The following CLVS1 variants were observed in gnomAD, a reference collection of about 807,000 sequenced individuals.
The protein encoded by CLVS1 is clavesin 1, also known as clavesin-1.
In CLVS1, 10 loss-of-function variants were observed where a neutral mutation model predicts 33.1. That is an observed-to-expected ratio of 0.30 (90% CI 0.19 to 0.51). CLVS1 has a LOEUF of 0.51. Among genes scored for constraint, CLVS1 ranks in the 20% least tolerant of loss-of-function variants. The probability of loss-of-function intolerance (pLI) is 0.97; values close to 1 mark genes in which losing one functional copy is unlikely to be tolerated. For synonymous variants in CLVS1, 163 were observed against 166.1 expected (o/e 0.98, Z 0.14); for missense variants, 343 against 433.4 (o/e 0.79, Z 1.85).
At chr8:61,244,502 G>A (rs1304101500) in intron 2 of CLVS1, among the ~76,000 whole-genome samples, 2 of 152,054 alleles carry the variant, frequency 1.3e-5, no homozygotes, top group African/African-American at 2.4e-5. Flanking sequence ...AAGTTTTAAT[G>A]TTGTTCAGTT....
chr8:61,459,560 A>T (rs1164994047), intron 5 of CLVS1, among the ~76,000 whole-genome samples: 5 of 147,204 alleles, frequency 3.4e-5, no homozygotes. Context: ...TTGCATCCTT[A>T]TAGCTTAGCT....
chr8:61,174,816 A>G (rs1367480695), intron 2 of CLVS1, among the ~76,000 whole-genome samples: 1 of 152,216 alleles, frequency 6.6e-6, no homozygotes, highest in Non-Finnish European at 1.5e-5. Flanking sequence ...GCAAAATGAC[A>G]TGGTGAAATG....
At position 61,499,444 on chromosome 8, in the gene CLVS1, C is replaced by G; in HGVS notation, c.978-11C>G. The G allele has an allele frequency of 6.3e-7, 1 of 1,597,452 alleles. No homozygotes were observed. Among genetic ancestry groups the G allele is most frequent in the Non-Finnish European group, 8.6e-7 (1 of 1,165,060 alleles). Reference sequence around the variant, plus strand: ...TTTGTAATTCTGTCTTTTTCCCTCCCCTCTTGTTAGATCTCAGTCTGTGGT... The same window carrying G: ...TTTGTAATTCTGTCTTTTTCCCTCCGCTCTTGTTAGATCTCAGTCTGTGGT... On this transcript the variant is annotated splice_polypyrimidine_tract_variant and intron_variant, in intron 5 of 5. Transcript: ENST00000325897.
intron 5 of CLVS1, among the ~76,000 whole-genome samples, chr8:61,485,326 C>T (rs1803835620): frequency 1.3e-5 from 2 of 152,262 alleles, no homozygotes; most frequent in East Asian, 3.9e-4. Context: ...TTTATGCAGT[C>T]AACAGACACA....
At chr8:61,091,227 G>T (rs776215953) in intron 1 of CLVS1, among the ~76,000 whole-genome samples, 14 of 152,182 alleles carry the variant, frequency 9.2e-5, no homozygotes, top group Non-Finnish European at 1.5e-4. Flanking sequence ...CAGGAGCCAA[G>T]GCATGTCAGC....
chr8:61,186,378 G>T (rs1464785725), intron 2 of CLVS1, among the ~76,000 whole-genome samples: 1 of 152,166 alleles, frequency 6.6e-6, no homozygotes, highest in South Asian at 2.1e-4. Flanking sequence ...CTCAAGAGAA[G>T]GTGCAATTTT....
At chr8:61,183,297 C>A (rs1807278248) in intron 2 of CLVS1, among the ~76,000 whole-genome samples, 1 of 152,166 alleles carries the variant, frequency 6.6e-6, no homozygotes, top group Admixed American at 6.5e-5. Flanking sequence ...ATGTGCTGCA[C>A]ATGTATCCCA....
rs541215283 is a variant in CLVS1 at position 61,422,642 on chromosome 8, C to T, written c.631-31499C>T. Among the ~76,000 whole-genome samples, 5 of 152,178 alleles carry T rather than the reference C, an allele frequency of 3.3e-5. No homozygotes were observed. In the South Asian group the frequency reaches 6.2e-4, roughly 19 times the overall value. On this transcript the variant is annotated intron_variant, in intron 3 of 5. Coordinates refer to ENST00000325897, the MANE Select transcript of CLVS1 (RefSeq NM_173519.3). ...AAACCGTAGAAGTTCCAGTGAGGAACCATATAGTATTTGAATAGGGTTACC... is the reference window on the plus strand; with the variant it reads ...AAACCGTAGAAGTTCCAGTGAGGAATCATATAGTATTTGAATAGGGTTACC...
chr8:61,040,211 A>T, the CLVS1 span, among the ~76,000 whole-genome samples: 1 of 152,094 alleles, frequency 6.6e-6, no homozygotes, highest in African/African-American at 2.4e-5. Flanking sequence ...TCCATAGTGT[A>T]TATGTACCAC....
chr8:61,482,671 A>G (rs193235895), intron 5 of CLVS1, among the ~76,000 whole-genome samples: 1 of 152,326 alleles, frequency 6.6e-6, no homozygotes, highest in East Asian at 1.9e-4. Context: ...GAATAAAAAG[A>G]AATGAACAAA....
intron 2 of CLVS1, among the ~76,000 whole-genome samples, chr8:61,236,897 C>T (rs1380539027): frequency 2.6e-5 from 4 of 152,146 alleles, no homozygotes; most frequent in Admixed American, 2.6e-4. Flanking sequence ...AGGGAGCCAA[C>T]ATCTGCACCT....
the CLVS1 span, among the ~76,000 whole-genome samples, chr8:61,006,914 C>T: frequency 2.1e-4 from 32 of 152,320 alleles, 1 homozygote; most frequent in South Asian, 6.2e-4. Context: ...AATATCTATA[C>T]AACACTTTAG....
the CLVS1 span, among the ~76,000 whole-genome samples, chr8:60,988,238 T>A: frequency 6.6e-6 from 1 of 152,002 alleles, no homozygotes; most frequent in African/African-American, 2.4e-5. Context: ...GACTGGGGGG[T>A]GCAGAGACAT....
intron 2 of CLVS1, among the ~76,000 whole-genome samples, chr8:61,340,031 A>G (rs1811968266): frequency 6.6e-6 from 1 of 151,680 alleles, no homozygotes; most frequent in African/African-American, 2.4e-5. Context: ...AAAGGAAAAG[A>G]AAGAAAAAAG....
chr8:61,358,788 A>C (rs1273564225), intron 2 of CLVS1, among the ~76,000 whole-genome samples: 1 of 152,194 alleles, frequency 6.6e-6, no homozygotes, highest in Non-Finnish European at 1.5e-5. Flanking sequence ...TGTTGGATAC[A>C]TCAGGCACAT....
intron 1 of CLVS1, among the ~76,000 whole-genome samples, chr8:61,117,962 T>G (rs539540469): frequency 6.6e-6 from 1 of 152,206 alleles, no homozygotes; most frequent in Non-Finnish European, 1.5e-5. Flanking sequence ...AGTTCCTCCT[T>G]GTACCTCTGG....
chr8:61,314,666 A>T (rs1475059718), intron 2 of CLVS1, among the ~76,000 whole-genome samples: 1 of 152,240 alleles, frequency 6.6e-6, no homozygotes, highest in Admixed American at 6.5e-5. Context: ...CTGTGAACCA[A>T]CCATCCTGAT....
At position 61,333,865 on chromosome 8, in the gene CLVS1, C is replaced by G. The variant is rs113715533; in HGVS notation, c.455+33583C>G. ...CCTCTCCCTCCTCCCAACCTCCACC[C>G]TCCAATAGACCCCAGTGTGTGCTGT... On this transcript the variant is annotated intron_variant, in intron 2 of 5. Coordinates refer to ENST00000325897, the MANE Select transcript of CLVS1 (RefSeq NM_173519.3). Among the ~76,000 whole-genome samples the G allele has an allele frequency of 7.6e-4, 116 of 152,252 alleles. 1 individual carries two copies. The Middle Eastern group carries it at 0.014, about 18-fold the overall frequency.
At chr8:61,194,697 ATATGTATT>A (rs1807566231) in intron 2 of CLVS1, among the ~76,000 whole-genome samples, 1 of 151,866 alleles carries the variant, frequency 6.6e-6, no homozygotes, top group Non-Finnish European at 1.5e-5. Context: ...ACAACAATAT[ATATGTATT>A]TATGTATATA....
Sources: allele counts gnomAD v4.1 joint callset (sites outside exome capture counted in the v4.1 genomes callset), GRCh38; gene constraint gnomAD v4.1.1; transcripts MANE v1.5; gene names NCBI Gene and HGNC (gene_info 2026-07-23, HGNC 2026-07-21).